The following PRIM2 variants were observed in gnomAD, a reference collection of about 807,000 sequenced individuals.
The protein encoded by PRIM2 is DNA primase subunit 2.
Under a neutral mutation model 67.3 loss-of-function variants are expected in PRIM2, and 39 were observed. The observed-to-expected ratio is 0.58, with a 90% CI of 0.45 to 0.76. The LOEUF (loss-of-function observed/expected upper bound fraction) is 0.76. Ranked by LOEUF, PRIM2 falls within the 30% of genes least tolerant of loss-of-function variation. PRIM2 has a pLI of 0.00. For synonymous variants in PRIM2, 143 were observed against 198.7 expected (o/e 0.72, Z 2.36); for missense variants, 398 against 598.7 (o/e 0.66, Z 3.50).
At chr6:57,608,228 G>C (rs1355259498) in intron 12 of PRIM2, among the ~76,000 whole-genome samples, 2 of 152,124 alleles carry the variant, frequency 1.3e-5, no homozygotes, top group African/African-American at 4.8e-5. Context: ...CAAAAGTCAA[G>C]GAGAAAATTT....
At chr6:57,591,945 TAAAG>T (rs1490492744) in intron 10 of PRIM2, among the ~76,000 whole-genome samples, 6 of 152,012 alleles carry the variant, frequency 3.9e-5, no homozygotes, top group African/African-American at 1.5e-4. Flanking sequence ...GTGAATTAGA[TAAAG>T]AAAATATGGT....
chr6:57,632,870 C>A (rs1458172260), intron 13 of PRIM2, among the ~76,000 whole-genome samples: 2 of 152,216 alleles, frequency 1.3e-5, no homozygotes, highest in African/African-American at 4.8e-5. Context: ...CATATGGACC[C>A]CTAACTATAC....
At chr6:57,260,415 C>G in the PRIM2 span, among the ~76,000 whole-genome samples, 2 of 152,038 alleles carry the variant, frequency 1.3e-5, no homozygotes, top group Non-Finnish European at 2.9e-5. Context: ...GTTTGGTATT[C>G]TAAAGTGAAA....
the PRIM2 span, among the ~76,000 whole-genome samples, chr6:57,232,317 C>G: frequency 6.6e-6 from 1 of 152,166 alleles, no homozygotes; most frequent in Non-Finnish European, 1.5e-5. Context: ...CTTTGGGAGG[C>G]CGAAGCAGGC....
chr6:57,270,629 T>G, the PRIM2 span, among the ~76,000 whole-genome samples: 2 of 152,304 alleles, frequency 1.3e-5, no homozygotes, highest in African/African-American at 4.8e-5. Context: ...TTCCTTCTCC[T>G]GCCTGATTGC....
At chr6:57,562,575 C>T (rs1159475627) in intron 10 of PRIM2, among the ~76,000 whole-genome samples, 1 of 152,148 alleles carries the variant, frequency 6.6e-6, no homozygotes, top group African/African-American at 2.4e-5. Flanking sequence ...CAAGTGCCTG[C>T]TTATGATCTA....
In PRIM2 at chr6:57,617,803, T is replaced by G. The variant is rs1167198785; in HGVS notation, c.1230+11346T>G. Among the ~76,000 whole-genome samples the G allele has an allele frequency of 1.1e-4, 17 of 152,316 alleles. No homozygotes were observed. The East Asian group carries it at 2.7e-3, about 24-fold the overall frequency. ...TTACTTGTGCTTTTAGTGTCATAAT[T>G]ATCTATAGTCAAATTCAAGGTTGTG... On this transcript the variant is annotated intron_variant, in intron 12 of 13. Transcript: ENST00000615550.
intron 1 of PRIM2, among the ~76,000 whole-genome samples, 163 bp downstream of exon 1, chr6:57,317,864 T>G (rs1473087891): frequency 3.9e-5 from 6 of 151,960 alleles, no homozygotes; most frequent in African/African-American, 9.7e-5. Context: ...AGGGAGGAGT[T>G]GGGGAGAGAT....
chr6:57,614,983 A>G (rs1225922242), intron 12 of PRIM2, among the ~76,000 whole-genome samples: 2 of 152,216 alleles, frequency 1.3e-5, no homozygotes, highest in African/African-American at 2.4e-5. Context: ...GTATCTATCT[A>G]TCAATAGTTT....
At chr6:57,328,682 G>A (rs752113843) in intron 5 of PRIM2, among the ~76,000 whole-genome samples, 1 of 152,174 alleles carries the variant, frequency 6.6e-6, no homozygotes. Context: ...TGTATACCTA[G>A]GAGTAGAATT....
intron 12 of PRIM2, among the ~76,000 whole-genome samples, chr6:57,625,803 A>C (rs1273509017): frequency 6.6e-6 from 1 of 152,260 alleles, no homozygotes; most frequent in Non-Finnish European, 1.5e-5. Flanking sequence ...ATGAAAGTAC[A>C]TCTTCAATAG....
At chr6:57,446,649 G>T (rs1381498401) in intron 7 of PRIM2, among the ~76,000 whole-genome samples, 1 of 152,000 alleles carries the variant, frequency 6.6e-6, no homozygotes, top group Non-Finnish European at 1.5e-5. Context: ...TCAGTTATTA[G>T]TGGGGATTAG....
the PRIM2 span, among the ~76,000 whole-genome samples, chr6:57,308,314 G>T: frequency 2.5e-4 from 38 of 152,012 alleles, no homozygotes; most frequent in African/African-American, 8.4e-4. Context: ...GTAGAGGCAG[G>T]GTTTCACCGT....
intron 8 of PRIM2, among the ~76,000 whole-genome samples, chr6:57,514,113 A>G (rs1467015113): frequency 6.6e-6 from 1 of 152,246 alleles, no homozygotes; most frequent in African/African-American, 2.4e-5. Flanking sequence ...TAATAAAGGC[A>G]TCTTCCTTCA....
chr6:57,511,565 A>G (rs1283465872), intron 8 of PRIM2, among the ~76,000 whole-genome samples: 1 of 152,136 alleles, frequency 6.6e-6, no homozygotes, highest in Non-Finnish European at 1.5e-5. Context: ...GCCATAACTT[A>G]ATTGTTTTGG....
intron 7 of PRIM2, among the ~76,000 whole-genome samples, chr6:57,438,404 G>A (rs955870386): frequency 1.3e-5 from 2 of 152,154 alleles, no homozygotes; most frequent in Non-Finnish European, 2.9e-5. Flanking sequence ...ATAATATATA[G>A]GAAGTGCTTT....
At chr6:57,421,998 C>A (rs1771479862) in intron 7 of PRIM2, among the ~76,000 whole-genome samples, 1 of 152,082 alleles carries the variant, frequency 6.6e-6, no homozygotes, top group African/African-American at 2.4e-5. Flanking sequence ...ATCTACAAGA[C>A]TGGATCTTGA....
intron 10 of PRIM2, among the ~76,000 whole-genome samples, chr6:57,592,957 G>A (rs1182523626): frequency 6.6e-6 from 1 of 152,040 alleles, no homozygotes; most frequent in Admixed American, 6.6e-5. Flanking sequence ...AATATAATAA[G>A]GTCACTAGAC....
At chr6:57,503,165 T>C (rs1433943935) in intron 7 of PRIM2, among the ~76,000 whole-genome samples, 2 of 152,086 alleles carry the variant, frequency 1.3e-5, no homozygotes, top group African/African-American at 4.8e-5. Flanking sequence ...CGGGGGAAAG[T>C]GATGACAAGA....
Sources: allele counts gnomAD v4.1 joint callset (sites outside exome capture counted in the v4.1 genomes callset), GRCh38; gene constraint gnomAD v4.1.1; transcripts MANE v1.5; gene names NCBI Gene and HGNC (gene_info 2026-07-23, HGNC 2026-07-21).